ACAT1: variants seen among roughly 807,000 people sequenced by gnomAD.
ACAT1 encodes the protein acetyl-CoA acetyltransferase, mitochondrial.
Under a neutral mutation model 47.3 loss-of-function variants are expected in ACAT1, and 28 were observed. The observed-to-expected ratio is 0.59, with a 90% CI of 0.44 to 0.81. The LOEUF (loss-of-function observed/expected upper bound fraction) is 0.81, where lower values mean the gene tolerates loss of function less well. Among genes scored for constraint, ACAT1 ranks in the 30% least tolerant of loss-of-function variants. The pLI is 0.00. For synonymous variants in ACAT1, 181 were observed against 173.6 expected (o/e 1.04, Z -0.34); for missense variants, 469 against 524.3 (o/e 0.89, Z 1.03).
intron 1 of ACAT1, among the ~76,000 whole-genome samples, chr11:108,126,008 T>G (rs978909233): frequency 2.0e-5 from 3 of 152,172 alleles, no homozygotes; most frequent in Admixed American, 6.6e-5. Flanking sequence ...TTGTTTTGTT[T>G]TTGATTTTTT....
chr11:108,131,300 C>T (rs1210998374), intron 1 of ACAT1, among the ~76,000 whole-genome samples: 1 of 145,474 alleles, frequency 6.9e-6, no homozygotes, highest in Non-Finnish European at 1.5e-5. Context: ...AATTTAGAAC[C>T]TAGCTTTAAC....
intron 6 of ACAT1, 42 bp from the exon 7 acceptor site, chr11:108,140,023 A>G: frequency 6.3e-7 from 1 of 1,585,324 alleles, no homozygotes; most frequent in Non-Finnish European, 8.6e-7. Context: ...TATTTTCTAA[A>G]TTATGCAAAG....
intron 5 of ACAT1, 158 bp from the exon 6 acceptor site, chr11:108,138,740 A>C: frequency 1.2e-6 from 1 of 837,570 alleles, no homozygotes; most frequent in Non-Finnish European, 2.0e-6. Context: ...TCTTTTCATC[A>C]GGGTGAAGTG....
intron 7 of ACAT1, among the ~76,000 whole-genome samples, chr11:108,141,395 A>AAAAAAAAT (rs2077582642): frequency 6.7e-6 from 1 of 148,922 alleles, no homozygotes; most frequent in East Asian, 2.0e-4. Flanking sequence ...AAAAAAAAAA[A>AAAAAAAAT]TTGTGAAGCT....
intron 2 of ACAT1, among the ~76,000 whole-genome samples, chr11:108,132,697 A>G (rs191876347): frequency 6.6e-6 from 1 of 151,726 alleles, no homozygotes; most frequent in East Asian, 1.9e-4. Context: ...CACTAAAAAT[A>G]CAAAAAATTA....
intron 2 of ACAT1, among the ~76,000 whole-genome samples, chr11:108,132,168 T>C (rs2077374085): frequency 1.3e-5 from 2 of 152,306 alleles, no homozygotes; most frequent in African/African-American, 4.8e-5. Context: ...TTCCTTATAG[T>C]CTGCTACAAA....
intron 9 of ACAT1, chr11:108,143,279 TTTTC>T (rs2077629189): frequency 6.6e-6 from 1 of 152,202 alleles, no homozygotes. Flanking sequence ...TCTTGTCTCT[TTTTC>T]TTTTTTTTTA....
intron 2 of ACAT1, among the ~76,000 whole-genome samples, chr11:108,133,356 C>T (rs1320834214): frequency 1.3e-5 from 2 of 152,044 alleles, no homozygotes; most frequent in Non-Finnish European, 2.9e-5. Context: ...TGTGGTGGCT[C>T]ATACCCTTAA....
chr11:108,135,288 G>C (rs371546008), intron 5 of ACAT1, 46 bp downstream of exon 5: 1 of 1,403,556 alleles, frequency 7.1e-7, no homozygotes, highest in African/African-American at 1.4e-5. Context: ...GTAATACCTA[G>C]GGCTAAAAGA....
chr11:108,139,148 G>T (rs936024780), intron 6 of ACAT1, 107 bp downstream of exon 6: 1 of 1,420,906 alleles, frequency 7.0e-7, no homozygotes, highest in Non-Finnish European at 9.9e-7. Flanking sequence ...CTCTATAAAT[G>T]TTGATTTTAG....
chr11:108,138,231 C>T (rs960045349), intron 5 of ACAT1, among the ~76,000 whole-genome samples: 5 of 151,980 alleles, frequency 3.3e-5, no homozygotes, highest in African/African-American at 4.8e-5. Flanking sequence ...GTGATCAGCC[C>T]GCTTTGGCCT....
chr11:108,124,293 C>T (rs538099805), intron 1 of ACAT1, among the ~76,000 whole-genome samples: 58 of 152,202 alleles, frequency 3.8e-4, no homozygotes, highest in Admixed American at 2.2e-3. Flanking sequence ...GATCAAGTTT[C>T]GCTCTTGTTG....
intron 11 of ACAT1, 69 bp downstream of exon 11, chr11:108,146,428 C>A: frequency 6.4e-7 from 1 of 1,551,782 alleles, no homozygotes; most frequent in South Asian, 1.1e-5. Flanking sequence ...CTTAAAACTG[C>A]TTCATAATTC....
At chr11:108,127,457 A>T (rs1378550399) in intron 1 of ACAT1, among the ~76,000 whole-genome samples, 2 of 151,784 alleles carry the variant, frequency 1.3e-5, no homozygotes, top group African/African-American at 4.8e-5. Flanking sequence ...TTTAGTAGAT[A>T]TGGGGTTTCA....
intron 7 of ACAT1, 74 bp from the exon 8 acceptor site, chr11:108,141,531 G>C (rs2077585970): frequency 9.4e-7 from 1 of 1,066,972 alleles, no homozygotes; most frequent in Non-Finnish European, 1.4e-6. Context: ...AGACTACTAG[G>C]CATCTTGTAC....
intron 10 of ACAT1, among the ~76,000 whole-genome samples, chr11:108,144,831 AAAGT>A (rs1279118987): frequency 1.3e-5 from 2 of 152,196 alleles, no homozygotes; most frequent in African/African-American, 4.8e-5. Flanking sequence ...GCAGCTTCTG[AAAGT>A]GAGTAACATC....
rs112079311 is a variant in ACAT1 at position 108,146,044 on chromosome 11, GA to G, written c.1006-146del. ...CCTGGGAGACAGAGCAAGACTGTTG[GA>G]AAAAAAAAAAATCTGAAAATAGAGA... On this transcript the variant is annotated intron_variant, in intron 10 of 11. Coordinates refer to ENST00000265838, the MANE Select transcript of ACAT1 (RefSeq NM_000019.4). The G allele has an allele frequency of 0.36, 196,067 of 544,954 alleles. 17,698 individuals carry two copies. The highest frequency in any genetic ancestry group is 0.5 in the South Asian group (21,956 of 43,890). The allele number at this position is 544,954 out of a possible 1,614,324, so 33.8% of individuals were successfully genotyped here. A position where few individuals can be genotyped will look rare whatever the true frequency, so the allele number is the denominator to read the frequency against.
At chr11:108,141,576 C>T (rs762262012) in intron 7 of ACAT1, 29 bp from the exon 8 acceptor site, 5 of 1,559,460 alleles carry the variant, frequency 3.2e-6, no homozygotes, top group East Asian at 2.3e-5. Flanking sequence ...TTGTTTTGAG[C>T]GATTTTACTT....
chr11:108,118,977 C>A (rs2077107293), upstream of ACAT1, among the ~76,000 whole-genome samples: 1 of 152,154 alleles, frequency 6.6e-6, no homozygotes. Context: ...TCCTAAGACA[C>A]AACTAGTGTA....
Sources: gnomAD v4.1 joint callset for allele counts (sites outside exome capture counted in the v4.1 genomes callset) on GRCh38, gnomAD v4.1.1 for gene constraint, MANE v1.5 for transcripts, NCBI Gene and HGNC (gene_info 2026-07-23, HGNC 2026-07-21) for gene names.